Variants in TASP1 observed in about 807,000 individuals in gnomAD.
The protein encoded by TASP1 is taspase 1, also known as threonine aspartase 1.
Under a neutral mutation model 56.6 loss-of-function variants are expected in TASP1, and 16 were observed. That is an observed-to-expected ratio of 0.28 (90% confidence interval 0.19 to 0.43). The LOEUF is 0.43. Ranked by LOEUF, TASP1 falls within the 20% of genes least tolerant of loss-of-function variation. The probability of loss-of-function intolerance (pLI) is 1.00; values close to 1 mark genes in which losing one functional copy is unlikely to be tolerated. For synonymous variants in TASP1, 179 were observed against 184.2 expected (o/e 0.97, Z 0.23); for missense variants, 393 against 511.6 (o/e 0.77, Z 2.24).
At chr20:13,306,564 C>CAAAAAAAAAAAAAAAAAAAAAAAGA in the TASP1 span, among the ~76,000 whole-genome samples, 5 of 63,906 alleles carry the variant, frequency 7.8e-5, no homozygotes, top group African/African-American at 1.4e-4. Flanking sequence ...GGAGAAAGGA[C>CAAAAAAAAAAAAAAAAAAAAAAAGA]AAAAAAAAAA....
At chr20:13,168,984 T>C in the TASP1 span, 1 of 149,142 alleles carries the variant, frequency 6.7e-6, no homozygotes, top group Non-Finnish European at 1.5e-5. Flanking sequence ...TGTGTCTTTG[T>C]GTGTGTGAGA....
At chr20:13,549,812 G>A (rs559479584) in intron 8 of TASP1, among the ~76,000 whole-genome samples, 23 of 151,632 alleles carry the variant, frequency 1.5e-4, no homozygotes, top group Non-Finnish European at 2.8e-4. Context: ...CATTGATTCC[G>A]TTAAATACTA....
chr20:13,426,979 C>T, intron 12 of TASP1, among the ~76,000 whole-genome samples: 1 of 152,170 alleles, frequency 6.6e-6, no homozygotes, highest in Non-Finnish European at 1.5e-5. Flanking sequence ...TCTATAAATA[C>T]CTCTTTTCCC....
intron 4 of TASP1, among the ~76,000 whole-genome samples, chr20:13,599,005 G>A (rs748320883): frequency 1.6e-4 from 24 of 152,006 alleles, no homozygotes; most frequent in Non-Finnish European, 3.2e-4. Context: ...TTAGAACGGC[G>A]ATCATTAAAA....
At chr20:13,387,635 T>C (rs6109849), downstream of TASP1, among the ~76,000 whole-genome samples, 17,407 of 152,258 alleles carry the variant, frequency 0.11, 2,139 homozygotes, top group African/African-American at 0.31. Flanking sequence ...TGCATGCATG[T>C]GTCTTTACAG....
the TASP1 span, among the ~76,000 whole-genome samples, chr20:13,313,363 G>A: frequency 2.6e-5 from 4 of 152,248 alleles, no homozygotes; most frequent in Non-Finnish European, 5.9e-5. Flanking sequence ...TAAACAGACT[G>A]TAGCTTACTC....
the TASP1 span, among the ~76,000 whole-genome samples, chr20:13,318,470 C>T: frequency 6.6e-6 from 1 of 152,184 alleles, no homozygotes; most frequent in Non-Finnish European, 1.5e-5. Context: ...AACAATTGTG[C>T]TGCTTGGTAT....
At chr20:13,406,847 T>C (rs2123690168) in intron 13 of TASP1, among the ~76,000 whole-genome samples, 1 of 152,144 alleles carries the variant, frequency 6.6e-6, no homozygotes, top group Middle Eastern at 3.4e-3. Context: ...TTTGTATTTT[T>C]AGTAGAGACA....
intron 4 of TASP1, among the ~76,000 whole-genome samples, chr20:13,611,601 A>G (rs1048387789): frequency 1.3e-5 from 2 of 152,226 alleles, no homozygotes; most frequent in Non-Finnish European, 2.9e-5. Context: ...CCTCTAGACC[A>G]TTAAATTAAT....
intron 4 of TASP1, among the ~76,000 whole-genome samples, chr20:13,592,710 C>CT (rs1324922536): frequency 6.6e-6 from 1 of 151,952 alleles, no homozygotes. Context: ...TTGATTTCTA[C>CT]TTTTTTTCTT....
the TASP1 span, among the ~76,000 whole-genome samples, chr20:13,296,584 T>C: frequency 6.6e-6 from 1 of 151,868 alleles, no homozygotes; most frequent in Non-Finnish European, 1.5e-5. Flanking sequence ...GATCAGATAG[T>C]AGATTGGAGA....
intron 10 of TASP1, among the ~76,000 whole-genome samples, chr20:13,522,689 T>C (rs2044810690): frequency 6.6e-6 from 1 of 151,940 alleles, no homozygotes; most frequent in African/African-American, 2.4e-5. Flanking sequence ...GAGGCCCAGG[T>C]TGGAGATAAA....
chr20:13,552,091 C>T (rs4813135), intron 8 of TASP1, among the ~76,000 whole-genome samples: 98,023 of 152,006 alleles, frequency 0.64, 31,837 homozygotes, highest in Non-Finnish European at 0.68. Context: ...GCCTAATATA[C>T]ATAAATTTCA....
the TASP1 span, chr20:13,154,152 G>C: frequency 7.4e-6 from 12 of 1,613,622 alleles, no homozygotes; most frequent in Non-Finnish European, 1.0e-5. Flanking sequence ...AGTATCCAAG[G>C]CATCTCATAA....
the TASP1 span, among the ~76,000 whole-genome samples, chr20:13,126,219 C>A: frequency 3.3e-5 from 5 of 152,268 alleles, no homozygotes; most frequent in East Asian, 1.9e-4. Context: ...ATGTAATATT[C>A]TCAAGGGCAA....
At chr20:13,628,823 G>A (rs904706060) in intron 2 of TASP1, among the ~76,000 whole-genome samples, 1 of 152,190 alleles carries the variant, frequency 6.6e-6, no homozygotes, top group Non-Finnish European at 1.5e-5. Flanking sequence ...GGAAACCTGG[G>A]CAGAGCAGCA....
chr20:13,596,641 C>T (rs2047743580), intron 4 of TASP1, among the ~76,000 whole-genome samples: 1 of 152,070 alleles, frequency 6.6e-6, no homozygotes, highest in African/African-American at 2.4e-5. Flanking sequence ...CAAGAGCAAA[C>T]AAATTCAAAA....
chr20:13,298,577 T>C, the TASP1 span, among the ~76,000 whole-genome samples: 1 of 152,182 alleles, frequency 6.6e-6, no homozygotes, highest in Non-Finnish European at 1.5e-5. Flanking sequence ...TTTTAAAAGA[T>C]AAAACAAATA....
At chr20:13,146,984 G>A in the TASP1 span, among the ~76,000 whole-genome samples, 1 of 152,172 alleles carries the variant, frequency 6.6e-6, no homozygotes, top group Non-Finnish European at 1.5e-5. Flanking sequence ...CTCACAGTAG[G>A]TGCACAAGAA....
Sources: gnomAD v4.1 joint callset for allele counts (sites outside exome capture counted in the v4.1 genomes callset) on GRCh38, gnomAD v4.1.1 for gene constraint, MANE v1.5 for transcripts, NCBI Gene and HGNC (gene_info 2026-07-23, HGNC 2026-07-21) for gene names.